The following SEMA3E variants were observed in gnomAD, a reference collection of about 807,000 sequenced individuals.
SEMA3E encodes semaphorin 3E.
SEMA3E carries 49 observed loss-of-function variants against 93.6 expected under a neutral mutation model. The ratio of observed to expected loss-of-function variants is 0.52; its 90% confidence interval spans 0.42 to 0.66. SEMA3E has a LOEUF of 0.66. SEMA3E is among the 30% of genes least tolerant of loss of function. The pLI is 0.00. For missense variants in SEMA3E, 906 were observed against 964.8 expected, an observed-to-expected ratio of 0.94 and a Z score of 0.81; for synonymous variants, 363 against 330.7, an observed-to-expected ratio of 1.10 and a Z score of -1.06.
intron 1 of SEMA3E, among the ~76,000 whole-genome samples, chr7:83,608,199 C>A (rs1054392218): frequency 6.7e-6 from 1 of 149,860 alleles, no homozygotes; most frequent in African/African-American, 2.5e-5. Context: ...GGTGACAGGG[C>A]AAGACTCAGT....
At chr7:83,490,359 C>A in intron 1 of SEMA3E, 85 bp from the exon 2 acceptor site, 1 of 1,392,050 alleles carries the variant, frequency 7.2e-7, no homozygotes. Context: ...CTGTTTTCAT[C>A]CCTATTGGAA....
chr7:83,599,234 A>G (rs563790642), intron 1 of SEMA3E, among the ~76,000 whole-genome samples: 1 of 152,328 alleles, frequency 6.6e-6, no homozygotes, highest in South Asian at 2.1e-4. Context: ...ACCTTTTCTA[A>G]AATAGTAAAT....
intron 1 of SEMA3E, among the ~76,000 whole-genome samples, chr7:83,626,657 G>T (rs546797755): frequency 2.6e-5 from 4 of 152,224 alleles, no homozygotes; most frequent in African/African-American, 9.6e-5. Context: ...CAAAAAAACA[G>T]TTCTTAGATT....
intron 1 of SEMA3E, among the ~76,000 whole-genome samples, chr7:83,541,886 G>A (rs531467398): frequency 6.6e-6 from 1 of 152,152 alleles, no homozygotes; most frequent in East Asian, 1.9e-4. Context: ...AACTGCATAG[G>A]AGAACATACT....
chr7:83,413,658 T>C (rs1268400533), intron 5 of SEMA3E, among the ~76,000 whole-genome samples: 1 of 152,204 alleles, frequency 6.6e-6, no homozygotes, highest in Non-Finnish European at 1.5e-5. Flanking sequence ...TCTGAATGTG[T>C]GATTTTATTA....
intron 1 of SEMA3E, among the ~76,000 whole-genome samples, chr7:83,594,662 T>C (rs1792829555): frequency 6.6e-6 from 1 of 152,110 alleles, no homozygotes; most frequent in East Asian, 1.9e-4. Flanking sequence ...TTTGAAAATA[T>C]GTTATAGTGG....
At chr7:83,593,566 A>G (rs746126842) in intron 1 of SEMA3E, among the ~76,000 whole-genome samples, 1 of 152,046 alleles carries the variant, frequency 6.6e-6, no homozygotes, top group Non-Finnish European at 1.5e-5. Context: ...AAAGAATAAG[A>G]GATTCTTTCT....
At chr7:83,368,118 T>C in intron 16 of SEMA3E, 80 bp from the exon 17 acceptor site, 2 of 1,305,408 alleles carry the variant, frequency 1.5e-6, no homozygotes, top group Non-Finnish European at 2.2e-6. Context: ...ACTACCTATC[T>C]TGAATTTTTT....
chr7:83,618,082 T>C (rs1392549217), intron 1 of SEMA3E, among the ~76,000 whole-genome samples: 1 of 152,054 alleles, frequency 6.6e-6, no homozygotes, highest in African/African-American at 2.4e-5. Context: ...ACAGAAGAGA[T>C]GGCACCAGCA....
rs1562772770 is a variant in SEMA3E, at chr7:83,417,018, G to GCACAC, written c.550+1371_550+1372insGTGTG. On this transcript the variant is annotated intron_variant, in intron 5 of 16. Transcript: ENST00000643230. The stretch of plus-strand genomic sequence containing the variant: ...ACACACACACACACACACACACAGG[G>GCACAC]AGAGAGAGAGAGAGAGAGAATTGGT... 3.8e-3 allele frequency among the ~76,000 whole-genome samples: 470 copies of GCACAC among 122,160 alleles called. 1 individual carries two copies. The highest frequency in any genetic ancestry group is 9.1e-3 in the Middle Eastern group (2 of 220). The allele number at this position is 122,160 out of a possible 152,430, so 80.1% of individuals were successfully genotyped here.
Position 83,466,578 on chromosome 7 carries a change from C to G in SEMA3E, c.360G>C (p.Arg120=). The stretch of plus-strand genomic sequence containing the variant: ...GTGTCCTGTTATAGTGATGCAAAAC[C>G]CGAACATAATTTGCACATTCACCCT... ...KDAGECANYV[R]VLHHYNRTHL... is the part of the protein sequence containing the mutation. The change falls in exon 4 of 17, where the codon CGG becomes CGC. Residue 120 remains arginine, a synonymous_variant. Coordinates refer to ENST00000643230, the MANE Select transcript of SEMA3E (RefSeq NM_012431.3). 6.2e-7 allele frequency: 1 copy of G among 1,613,692 alleles called. No individual in the cohort carries two copies. The highest frequency in any genetic ancestry group is 8.5e-7 in the Non-Finnish European group (1 of 1,179,962).
chr7:83,403,702 G>A (rs1253130519), intron 9 of SEMA3E, among the ~76,000 whole-genome samples: 1 of 151,782 alleles, frequency 6.6e-6, no homozygotes, highest in Non-Finnish European at 1.5e-5. Context: ...TACATCCTGA[G>A]ACACCTGTAA....
chr7:83,621,799 CTG>C (rs1793562807), intron 1 of SEMA3E, among the ~76,000 whole-genome samples: 1 of 152,074 alleles, frequency 6.6e-6, no homozygotes, highest in Non-Finnish European at 1.5e-5. Context: ...ATGCAGAAAA[CTG>C]AAACTGGACC....
chr7:83,517,544 G>A (rs1790956307), intron 1 of SEMA3E, among the ~76,000 whole-genome samples: 1 of 152,110 alleles, frequency 6.6e-6, no homozygotes, highest in Admixed American at 6.5e-5. Flanking sequence ...AGATTCCATT[G>A]TTATAACTAC....
chr7:83,600,349 T>C (rs1342475025), intron 1 of SEMA3E, among the ~76,000 whole-genome samples: 1 of 151,186 alleles, frequency 6.6e-6, no homozygotes, highest in Non-Finnish European at 1.5e-5. Context: ...AGGCGGAGTC[T>C]CGCTCTGTCA....
chr7:83,467,494 C>T (rs186358162), intron 3 of SEMA3E, among the ~76,000 whole-genome samples: 99 of 152,256 alleles, frequency 6.5e-4, no homozygotes, highest in African/African-American at 2.2e-3. Context: ...GATAAGATTA[C>T]TATATTGCTG....
intron 11 of SEMA3E, among the ~76,000 whole-genome samples, chr7:83,398,576 A>G (rs1181561792): frequency 6.6e-6 from 1 of 152,238 alleles, no homozygotes; most frequent in Non-Finnish European, 1.5e-5. Flanking sequence ...ATGAATGAAT[A>G]AAATACAGCC....
intron 4 of SEMA3E, among the ~76,000 whole-genome samples, chr7:83,454,272 A>AAAAAAAAATATATAT (rs1257792756): frequency 1.5e-4 from 16 of 110,104 alleles, no homozygotes; most frequent in African/African-American, 6.5e-4. Context: ...AAAAAAAAAA[A>AAAAAAAAATATATAT]ATATATATAT....
intron 5 of SEMA3E, among the ~76,000 whole-genome samples, chr7:83,412,225 G>T (rs977439983): frequency 6.6e-6 from 1 of 151,994 alleles, no homozygotes; most frequent in Non-Finnish European, 1.5e-5. Context: ...TTAGTGTAGT[G>T]GTTCCTAGTG....
Sources: gnomAD v4.1 joint callset for allele counts (sites outside exome capture counted in the v4.1 genomes callset) on GRCh38, gnomAD v4.1.1 for gene constraint, MANE v1.5 for transcripts, NCBI Gene and HGNC (gene_info 2026-07-23, HGNC 2026-07-21) for gene names.